The following KDM1A variants were observed in gnomAD, a reference collection of about 807,000 sequenced individuals.
KDM1A encodes the protein lysine demethylase 1A.
KDM1A carries 49 observed loss-of-function variants against 109.4 expected under a neutral mutation model. The observed-to-expected ratio is 0.45, with a 90% CI of 0.36 to 0.57. The LOEUF is 0.57. Ranked by LOEUF, KDM1A falls within the 20% of genes least tolerant of loss-of-function variation. The probability of loss-of-function intolerance (pLI) is 0.00; values close to 1 mark genes in which losing one functional copy is unlikely to be tolerated. For synonymous variants in KDM1A, 380 were observed against 415.4 expected (o/e 0.91, Z 1.04); for missense variants, 668 against 1,116.6 (o/e 0.60, Z 5.73).
intron 15 of KDM1A, among the ~76,000 whole-genome samples, chr1:23,076,274 A>C (rs939142856): frequency 6.6e-6 from 1 of 152,064 alleles, no homozygotes; most frequent in African/African-American, 2.4e-5. Context: ...TGTTACATAG[A>C]AAAATTTTCA....
intron 19 of KDM1A, chr1:23,081,810 C>G: frequency 2.0e-6 from 1 of 491,772 alleles, no homozygotes; most frequent in Non-Finnish European, 3.6e-6. Flanking sequence ...TTTAGAGTCA[C>G]ACCAGATCCC....
intron 12 of KDM1A, 96 bp downstream of exon 12, chr1:23,069,247 G>A (rs769410862): frequency 1.8e-4 from 127 of 699,060 alleles, no homozygotes; most frequent in Non-Finnish European, 2.8e-4. Context: ...TTTCCTCCAT[G>A]GAAGAGAAAG....
Position 23,083,395 on chromosome 1 carries a change from G to A in KDM1A, c.*31G>A, listed in dbSNP as rs1424989067. 5 of 1,583,302 alleles carry A rather than the reference G, an allele frequency of 3.2e-6. No individual in the cohort carries two copies. Among genetic ancestry groups the A allele is most frequent in the South Asian group, 2.3e-5 (2 of 87,866 alleles). ...ATGCATTCTAAGGGAAGAGGCCCAT[G>A]TGCCTGTTTCTGCCATGTAAGGAAG... On this transcript the variant is annotated 3_prime_UTR_variant, in exon 21 of 21. Transcript: ENST00000400181.
chr1:23,052,135 T>C (rs1190151326), intron 4 of KDM1A, among the ~76,000 whole-genome samples: 1 of 152,214 alleles, frequency 6.6e-6, no homozygotes, highest in Non-Finnish European at 1.5e-5. Flanking sequence ...CTCTGTCTTT[T>C]CTGATTCACC....
intron 2 of KDM1A, among the ~76,000 whole-genome samples, chr1:23,031,615 G>A (rs150969068): frequency 1.5e-4 from 22 of 151,548 alleles, no homozygotes; most frequent in African/African-American, 5.1e-4. Context: ...TGGTGTTACT[G>A]TGAATTACCA....
Position 23,071,378 on chromosome 1 carries a change from C to A in KDM1A, c.1548+19C>A. ...ATGCAAGGTGTGGTATACATACATG[C>A]CTAACTGGTTTTACTTGGAATCCTA... On this transcript the variant is annotated intron_variant, in intron 13 of 20. Transcript: ENST00000400181. The A allele has an allele frequency of 6.4e-7, 1 of 1,571,594 alleles. No individual in the cohort carries two copies. The highest frequency in any genetic ancestry group is 1.2e-5 in the South Asian group (1 of 83,748).
intron 3 of KDM1A, among the ~76,000 whole-genome samples, chr1:23,048,175 TGGTTGA>T (rs2124443328): frequency 6.6e-6 from 1 of 152,256 alleles, no homozygotes; most frequent in East Asian, 1.9e-4. Context: ...TAGAGATACT[TGGTTGA>T]AATACTCAGG....
At chr1:23,073,168 T>C in intron 14 of KDM1A, 124 bp from the exon 15 acceptor site, 1 of 579,506 alleles carries the variant, frequency 1.7e-6, no homozygotes, top group Middle Eastern at 4.1e-4. Flanking sequence ...TTTTGATTTG[T>C]AATTTCTTCA....
At chr1:23,048,732 AT>A (rs1425885221) in intron 3 of KDM1A, among the ~76,000 whole-genome samples, 11 of 152,066 alleles carry the variant, frequency 7.2e-5, no homozygotes, top group African/African-American at 2.7e-4. Flanking sequence ...CTTAGCTATA[AT>A]TTTCTAAGTT....
intron 2 of KDM1A, among the ~76,000 whole-genome samples, chr1:23,032,048 A>T (rs1641999935): frequency 6.6e-6 from 1 of 150,976 alleles, no homozygotes; most frequent in South Asian, 2.1e-4. Flanking sequence ...CTTTCCCTTC[A>T]CCCTGTGCTC....
chr1:23,067,169 G>A (rs1643181356), intron 10 of KDM1A, among the ~76,000 whole-genome samples: 1 of 152,134 alleles, frequency 6.6e-6, no homozygotes, highest in South Asian at 2.1e-4. Context: ...ATTTTCTTTA[G>A]GCTAAGGGTA....
chr1:23,070,820 C>A (rs953063166), intron 12 of KDM1A, among the ~76,000 whole-genome samples: 8 of 150,814 alleles, frequency 5.3e-5, no homozygotes, highest in South Asian at 4.2e-4. Flanking sequence ...AAAAAAAAAA[C>A]AAACACACAC....
At position 23,046,122 on chromosome 1, in the gene KDM1A, GA is replaced by G. The variant is rs755499234; in HGVS notation, c.577+1639del. 1.1e-4 allele frequency among the ~76,000 whole-genome samples: 17 copies of G among 152,232 alleles called. No homozygotes were observed. The South Asian group carries it at 3.5e-3, about 32-fold the overall frequency. On this transcript the variant is annotated intron_variant, in intron 3 of 20. Coordinates refer to ENST00000400181, the MANE Select transcript of KDM1A (RefSeq NM_001009999.3). The stretch of plus-strand genomic sequence containing the variant: ...TCCCTTATTTTATGGATTAGGATCT[GA>G]AACCCAAAGAAGTTAAATAGATTGA...
intron 9 of KDM1A, 149 bp from the exon 10 acceptor site, chr1:23,065,911 G>T: frequency 8.9e-7 from 1 of 1,122,402 alleles, no homozygotes; most frequent in South Asian, 1.8e-5. Context: ...TATTTCTCTG[G>T]TGGTTGCAGC....
chr1:23,053,340 A>G (rs1393345872), intron 4 of KDM1A, among the ~76,000 whole-genome samples: 2 of 152,312 alleles, frequency 1.3e-5, no homozygotes, highest in East Asian at 3.9e-4. Context: ...TAATTAAAGG[A>G]AAGCCCATGT....
intron 1 of KDM1A, among the ~76,000 whole-genome samples, chr1:23,023,634 A>T (rs576925): frequency 0.011 from 1,721 of 152,180 alleles, 45 homozygotes; most frequent in African/African-American, 0.039. Context: ...AGTGTTCCTC[A>T]ACTTTGTTCT....
chr1:23,050,242 A>G, intron 3 of KDM1A, 145 bp from the exon 4 acceptor site: 1 of 727,410 alleles, frequency 1.4e-6, no homozygotes, highest in East Asian at 3.2e-5. Context: ...AGTGGCTAAT[A>G]TCTAAGGAAG....
intron 2 of KDM1A, among the ~76,000 whole-genome samples, chr1:23,041,411 A>C (rs1642327255): frequency 6.8e-6 from 1 of 146,950 alleles, no homozygotes; most frequent in Non-Finnish European, 1.5e-5. Flanking sequence ...CTGCTTAAAT[A>C]ATACTTTTGA....
chr1:23,047,116 CTA>C (rs1422179538), intron 3 of KDM1A, among the ~76,000 whole-genome samples: 2 of 152,114 alleles, frequency 1.3e-5, no homozygotes, highest in African/African-American at 2.4e-5. Context: ...AAAATGGTGT[CTA>C]TTACTTCATT....
Sources: gnomAD v4.1 joint callset for allele counts (sites outside exome capture counted in the v4.1 genomes callset) on GRCh38, gnomAD v4.1.1 for gene constraint, MANE v1.5 for transcripts, NCBI Gene and HGNC (gene_info 2026-07-23, HGNC 2026-07-21) for gene names.